BCAR3: variants seen among roughly 807,000 people sequenced by gnomAD.
BCAR3 encodes the protein BCAR3 adaptor protein, NSP family member.
BCAR3 carries 37 observed loss-of-function variants against 80.1 expected under a neutral mutation model. The ratio of observed to expected loss-of-function variants is 0.46; its 90% CI spans 0.36 to 0.61. The LOEUF is 0.61. BCAR3 is among the 20% of genes least tolerant of loss of function. The probability of loss-of-function intolerance (pLI) is 0.00; values close to 1 mark genes in which losing one functional copy is unlikely to be tolerated. For missense variants in BCAR3, 978 were observed against 1,068.2 expected, an observed-to-expected ratio of 0.92 and a Z score of 1.18; for synonymous variants, 389 against 418.9, an observed-to-expected ratio of 0.93 and a Z score of 0.87.
intron 3 of BCAR3, among the ~76,000 whole-genome samples, chr1:93,616,967 C>T (rs116383074): frequency 0.01 from 1,585 of 152,324 alleles, 26 homozygotes; most frequent in African/African-American, 0.036. Flanking sequence ...TGAAGGAAAC[C>T]TCTATTACCT....
intron 2 of BCAR3, among the ~76,000 whole-genome samples, chr1:93,839,606 T>C (rs1217655640): frequency 6.6e-6 from 1 of 152,214 alleles, no homozygotes; most frequent in Non-Finnish European, 1.5e-5. Flanking sequence ...CTCTTTTAGA[T>C]TGGACTGAAT....
At chr1:93,672,314 T>C (rs1201744755) in intron 2 of BCAR3, among the ~76,000 whole-genome samples, 2 of 152,172 alleles carry the variant, frequency 1.3e-5, no homozygotes, top group African/African-American at 2.4e-5. Flanking sequence ...ACTCCATCAC[T>C]ACTGCCTCCC....
In BCAR3 at chr1:93,589,204, G is replaced by A. The variant is rs369073690; in HGVS notation, c.702C>T (p.Tyr234=). Residue 234 remains tyrosine, a synonymous_variant, in exon 5 of 12, where the codon TAC becomes TAT. Transcript: ENST00000260502. ...FDSIPGLVRC[Y]VGNRRPISQQ... ...GGGAGATGGGCCGGCGGTTGCCCAC[G>A]TAGCAGCGCACCAGGCCGGGGATGG... 41 of 1,613,682 alleles carry A rather than the reference G, an allele frequency of 2.5e-5. No individual in the cohort carries two copies. The highest frequency in any genetic ancestry group is 1.6e-4 in the Middle Eastern group (1 of 6,080).
At position 93,698,260 on chromosome 1, in the gene BCAR3, G is replaced by A. The variant is rs777173110; in HGVS notation, c.-12+7832C>T. Among the ~76,000 whole-genome samples, 7 of 152,206 alleles carry A rather than the reference G, an allele frequency of 4.6e-5. No individual in the cohort carries two copies. In the South Asian group the frequency reaches 6.2e-4, roughly 14 times the overall value. ...TGTATCACAAGCTGTGTGTCCTGGC[G>A]CAGGACTGCATTTGCTGGGGAAAGG... On this transcript the variant is annotated intron_variant, in intron 3 of 13. Transcript: ENST00000370244.
chr1:93,582,573 C>T lies in BCAR3; in HGVS notation c.1414G>A (p.Gly472Ser). 6.2e-7 allele frequency: 1 copy of T among 1,613,470 alleles called. No homozygotes were observed. Among genetic ancestry groups the T allele is most frequent in the Non-Finnish European group, 8.5e-7 (1 of 1,179,748 alleles). ...TCATCAAGGATCAAGTAGTTGACGC[C>T]AGAGTTCCGGGGACCTGGCGCCTCA... ...QNEAPGPRNSGVNYLILDDDD... is the reference protein window; with the variant it reads ...QNEAPGPRNSSVNYLILDDDD... Residue 472 changes from glycine (G) to serine (S), a missense_variant, in exon 7 of 12, where the codon GGC (glycine) becomes AGC (serine). Physicochemically the swap from Gly to Ser is moderately conservative, Grantham distance 56. Transcript: ENST00000260502.
intron 3 of BCAR3, among the ~76,000 whole-genome samples, chr1:93,615,004 C>CT (rs912095250): frequency 0.075 from 9,146 of 121,966 alleles, 949 homozygotes; most frequent in African/African-American, 0.24. Context: ...TCAACGAGTT[C>CT]TTTTTTTTTT....
At chr1:93,745,461 T>C (rs1438200561) in intron 2 of BCAR3, among the ~76,000 whole-genome samples, 2 of 152,210 alleles carry the variant, frequency 1.3e-5, no homozygotes, top group East Asian at 3.8e-4. Flanking sequence ...TGAGCTGAAA[T>C]GTTTTATGCA....
In BCAR3 at chr1:93,665,473, C is replaced by T. The variant is rs531766468; in HGVS notation, c.317+9141G>A. 5.3e-5 allele frequency among the ~76,000 whole-genome samples: 8 copies of T among 152,230 alleles called. No homozygotes were observed. The South Asian group carries it at 8.3e-4, about 16-fold the overall frequency. On this transcript the variant is annotated intron_variant, in intron 2 of 11. Coordinates refer to ENST00000260502, the MANE Select transcript of BCAR3 (RefSeq NM_003567.4). ...ATCCATATCCTATCTTATTTCTCTG[C>T]ACTCGGCCTCCTCTGCTGACTCCCT...
rs1375835945 is a variant in BCAR3, at chr1:93,571,810, C to G, written c.1834G>C (p.Asp612His). The G allele has an allele frequency of 1.9e-6, 3 of 1,613,976 alleles. No individual in the cohort carries two copies. Among genetic ancestry groups the G allele is most frequent in the Non-Finnish European group, 2.5e-6 (3 of 1,180,036 alleles). ...AAAGTGCCCGTGCATCCCAGAATGT[C>G]CACTGCAATGCCGATGGCCATTGTG... is the stretch of plus-strand genomic sequence containing the variant. ...HNTMAIGIAV[D>H]ILGCTGTLED... Residue 612 changes from aspartate to histidine, a missense_variant, in exon 9 of 12, where the codon GAC becomes CAC. Coordinates refer to ENST00000260502, the MANE Select transcript of BCAR3 (RefSeq NM_003567.4).
At chr1:93,763,346 G>A (rs1041155724) in intron 2 of BCAR3, among the ~76,000 whole-genome samples, 3 of 152,170 alleles carry the variant, frequency 2.0e-5, no homozygotes, top group Non-Finnish European at 4.4e-5. Flanking sequence ...TTATAGACAT[G>A]AGCATTGCAG....
At chr1:93,642,490 T>C in intron 2 of BCAR3, 147 bp from the exon 3 acceptor site, 1 of 729,732 alleles carries the variant, frequency 1.4e-6, no homozygotes, top group Non-Finnish European at 2.3e-6. Flanking sequence ...AGGGTGTGTG[T>C]GGTGGGGTGG....
chr1:93,673,305 C>T (rs984037917), intron 2 of BCAR3, among the ~76,000 whole-genome samples: 5 of 152,196 alleles, frequency 3.3e-5, no homozygotes, highest in African/African-American at 1.2e-4. Flanking sequence ...CATATTTCCA[C>T]CACCCTATAA....
At chr1:93,831,181 T>C (rs1654551428) in intron 2 of BCAR3, among the ~76,000 whole-genome samples, 1 of 152,122 alleles carries the variant, frequency 6.6e-6, no homozygotes, top group African/African-American at 2.4e-5. Context: ...TTCACCCACA[T>C]TCTCTTGGTG....
intron 2 of BCAR3, among the ~76,000 whole-genome samples, chr1:93,760,165 A>G (rs914604849): frequency 6.6e-6 from 1 of 152,120 alleles, no homozygotes; most frequent in Non-Finnish European, 1.5e-5. Context: ...TGTGGCCCAC[A>G]GGAAAAAAAA....
rs144562250 is a variant in BCAR3, at chr1:93,562,315, C to T, written c.2404G>A (p.Glu802Lys). 8 of 1,614,024 alleles carry T rather than the reference C, an allele frequency of 5.0e-6. No homozygotes were observed. The African/African-American group carries it at 1.1e-4, about 22-fold the overall frequency. ...GAQVNQTERY[E>K]KFNQILTALS... ...GCAGTTAAAATCTGGTTGAATTTCT[C>T]ATATCTCTCTGTCTGATTGACTTGT... Residue 802 changes from glutamate to lysine, a missense_variant, in exon 12 of 12, where the codon GAG becomes AAG. Transcript: ENST00000260502.
At chr1:93,832,644 T>G (rs1459175234) in intron 2 of BCAR3, among the ~76,000 whole-genome samples, 1 of 152,150 alleles carries the variant, frequency 6.6e-6, no homozygotes, top group Non-Finnish European at 1.5e-5. Context: ...GGCTACCTAC[T>G]CCACATTACC....
intron 2 of BCAR3, among the ~76,000 whole-genome samples, chr1:93,660,742 T>G (rs1280101451): frequency 6.6e-6 from 1 of 152,246 alleles, no homozygotes; most frequent in Non-Finnish European, 1.5e-5. Flanking sequence ...TGATACAGAG[T>G]CTCGCAATGT....
chr1:93,815,151 T>C (rs1038558386), intron 2 of BCAR3, among the ~76,000 whole-genome samples: 4 of 152,188 alleles, frequency 2.6e-5, no homozygotes, highest in Admixed American at 1.3e-4. Context: ...CTGGGCTGTC[T>C]GAGCAGGCAT....
At chr1:93,604,396 C>G (rs1452410589) in intron 3 of BCAR3, among the ~76,000 whole-genome samples, 3 of 152,206 alleles carry the variant, frequency 2.0e-5, no homozygotes, top group Non-Finnish European at 4.4e-5. Context: ...AAGAGGATAT[C>G]TGTAGAACCC....
Sources: gnomAD v4.1 joint callset for allele counts (sites outside exome capture counted in the v4.1 genomes callset) on GRCh38, gnomAD v4.1.1 for gene constraint, MANE v1.5 for transcripts, NCBI Gene and HGNC (gene_info 2026-07-23, HGNC 2026-07-21) for gene names.